Variants in KIF6 observed in about 807,000 individuals in gnomAD.
KIF6 encodes the protein kinesin-like protein KIF6.
In KIF6, 106 loss-of-function variants were observed where a neutral mutation model predicts 112.7. That is an observed-to-expected ratio of 0.94 (90% confidence interval 0.80 to 1.11). KIF6 has a LOEUF of 1.11. Ranked by LOEUF, KIF6 falls within the 50% of genes least tolerant of loss-of-function variation. KIF6 has a pLI of 0.00. For missense variants in KIF6, 929 were observed against 964.0 expected (o/e 0.96, Z 0.48); for synonymous variants, 339 against 339.9 (o/e 1.00, Z 0.03).
intron 3 of KIF6, among the ~76,000 whole-genome samples, chr6:39,662,911 C>CTCTCT (rs1561908813): frequency 3.6e-4 from 53 of 145,430 alleles, no homozygotes; most frequent in African/African-American, 1.2e-3. Flanking sequence ...TTCTCTCTCT[C>CTCTCT]TTTTTTTTTT....
At chr6:39,619,039 CAG>C (rs1452226098) in intron 5 of KIF6, among the ~76,000 whole-genome samples, 12 of 152,100 alleles carry the variant, frequency 7.9e-5, no homozygotes, top group Non-Finnish European at 1.5e-4. Context: ...AAATATTTTA[CAG>C]AGTTTCCTTT....
chr6:39,513,209 G>T (rs1776875920), intron 13 of KIF6, among the ~76,000 whole-genome samples: 2 of 152,158 alleles, frequency 1.3e-5, no homozygotes, highest in African/African-American at 2.4e-5. Flanking sequence ...CTGCTCTTCT[G>T]GGCTAGCTAG....
intron 10 of KIF6, among the ~76,000 whole-genome samples, chr6:39,557,933 T>C (rs941209863): frequency 4.0e-5 from 6 of 151,466 alleles, no homozygotes; most frequent in Non-Finnish European, 8.8e-5. Flanking sequence ...TCACAAGTGA[T>C]TTCTATCCCC....
chr6:39,336,492 T>G lies in KIF6; in HGVS notation c.*40A>C. ...GGCGCTGCCTTCATCTGTGCTTCAT[T>G]CTTGCTGGCATAATTCATGGATGGA... On this transcript the variant is annotated 3_prime_UTR_variant, in exon 23 of 23. Transcript: ENST00000287152. The G allele has an allele frequency of 6.2e-7, 1 of 1,606,832 alleles. No homozygotes were observed. Among genetic ancestry groups the G allele is most frequent in the Non-Finnish European group, 8.5e-7 (1 of 1,173,372 alleles).
chr6:39,574,795 A>G (rs1487497079), intron 10 of KIF6, among the ~76,000 whole-genome samples: 1 of 152,158 alleles, frequency 6.6e-6, no homozygotes, highest in Non-Finnish European at 1.5e-5. Flanking sequence ...GTAAATATAG[A>G]GCTATTCTCT....
rs151127390 is a variant in KIF6 at position 39,614,461 on chromosome 6, T to C, written c.510-1143A>G. ...TAAGAATATCTTAAAAATGAAGATT[T>C]TGCAAGTATCATAATTTTTTTCATC... is the stretch of plus-strand genomic sequence containing the variant. On this transcript the variant is annotated intron_variant, in intron 5 of 22. Coordinates refer to ENST00000287152, the MANE Select transcript of KIF6 (RefSeq NM_145027.6). Among the ~76,000 whole-genome samples, 29 of 152,314 alleles carry C rather than the reference T, an allele frequency of 1.9e-4. No homozygotes were observed. In the East Asian group the frequency reaches 5.4e-3, roughly 28 times the overall value.
chr6:39,340,745 G>A (rs1205947830), intron 22 of KIF6, among the ~76,000 whole-genome samples: 4 of 152,132 alleles, frequency 2.6e-5, no homozygotes, highest in Non-Finnish European at 5.9e-5. Context: ...ACACCACTCT[G>A]ACAGGGACCT....
At chr6:39,486,129 T>C (rs908732949) in intron 13 of KIF6, among the ~76,000 whole-genome samples, 4 of 152,204 alleles carry the variant, frequency 2.6e-5, no homozygotes, top group Admixed American at 1.3e-4. Flanking sequence ...GTCCCCTACC[T>C]CTGAATCCAA....
In KIF6 at chr6:39,497,119, C is replaced by T. The variant is rs555259489; in HGVS notation, c.1645+42884G>A. On this transcript the variant is annotated intron_variant, in intron 13 of 22. Transcript: ENST00000287152. ...CACTAAAAGTGGAAAACTGCTCGTTCTACATTAGACTCTCTTTCGCAATTT... is the reference window on the plus strand; with the variant it reads ...CACTAAAAGTGGAAAACTGCTCGTTTTACATTAGACTCTCTTTCGCAATTT... Among the ~76,000 whole-genome samples, 7 of 152,344 alleles carry T rather than the reference C, an allele frequency of 4.6e-5. No homozygotes were observed. In the South Asian group the frequency reaches 1.5e-3, roughly 32 times the overall value.
chr6:39,393,146 C>T (rs1768012032), intron 15 of KIF6, among the ~76,000 whole-genome samples: 1 of 152,220 alleles, frequency 6.6e-6, no homozygotes, highest in South Asian at 2.1e-4. Flanking sequence ...TATTCATACC[C>T]AAACTATCAT....
intron 10 of KIF6, among the ~76,000 whole-genome samples, chr6:39,555,563 G>A (rs1397424602): frequency 6.6e-6 from 1 of 152,140 alleles, no homozygotes; most frequent in Non-Finnish European, 1.5e-5. Context: ...CAGTCCCTGA[G>A]GATTGGCCTA....
At chr6:39,689,133 G>C (rs2113797079) in intron 3 of KIF6, among the ~76,000 whole-genome samples, 1 of 151,978 alleles carries the variant, frequency 6.6e-6, no homozygotes, top group East Asian at 1.9e-4. Flanking sequence ...AAAGAGAAAA[G>C]ACAAGGAAAG....
At chr6:39,384,192 G>A (rs1767212954) in intron 16 of KIF6, among the ~76,000 whole-genome samples, 1 of 152,180 alleles carries the variant, frequency 6.6e-6, no homozygotes, top group Non-Finnish European at 1.5e-5. Context: ...TATTGAACCA[G>A]CAACATGAAG....
chr6:39,477,209 T>G (rs1774479263), intron 13 of KIF6, among the ~76,000 whole-genome samples: 1 of 152,114 alleles, frequency 6.6e-6, no homozygotes, highest in South Asian at 2.1e-4. Flanking sequence ...GAGAACCCCC[T>G]GTGTTGACAA....
At chr6:39,678,031 G>C in intron 3 of KIF6, among the ~76,000 whole-genome samples, 1 of 151,994 alleles carries the variant, frequency 6.6e-6, no homozygotes, top group Non-Finnish European at 1.5e-5. Context: ...GATTTATGCA[G>C]CCAAAAAACA....
intron 22 of KIF6, among the ~76,000 whole-genome samples, chr6:39,337,172 C>CTTCCTTTCT (rs1554195076): frequency 5.0e-5 from 3 of 59,518 alleles, no homozygotes; most frequent in Middle Eastern, 8.9e-3. Context: ...TCTTTCCTTC[C>CTTCCTTTCT]TTCTTTCTTT....
intron 4 of KIF6, among the ~76,000 whole-genome samples, chr6:39,635,878 T>G (rs965586891): frequency 2.0e-5 from 3 of 152,116 alleles, no homozygotes; most frequent in Non-Finnish European, 4.4e-5. Flanking sequence ...ATTATCATGC[T>G]TCTCATAAGA....
At chr6:39,698,786 A>G (rs1788701708) in intron 3 of KIF6, among the ~76,000 whole-genome samples, 1 of 152,212 alleles carries the variant, frequency 6.6e-6, no homozygotes, top group Non-Finnish European at 1.5e-5. Context: ...AAAGCTTTTT[A>G]TGGCTCTAAA....
intron 22 of KIF6, among the ~76,000 whole-genome samples, chr6:39,340,326 G>A (rs1393901508): frequency 6.9e-6 from 1 of 145,738 alleles, no homozygotes; most frequent in East Asian, 2.0e-4. Flanking sequence ...CCAGCTGCAG[G>A]GTGGGTAGAG....
Sources: gnomAD v4.1 joint callset for allele counts (sites outside exome capture counted in the v4.1 genomes callset) on GRCh38, gnomAD v4.1.1 for gene constraint, MANE v1.5 for transcripts, NCBI Gene and HGNC (gene_info 2026-07-23, HGNC 2026-07-21) for gene names.